The following BRD4 variants were observed in gnomAD, a reference collection of about 807,000 sequenced individuals.
The protein encoded by BRD4 is bromodomain containing 4.
In BRD4, 16 loss-of-function variants were observed where a neutral mutation model predicts 142.1. The observed-to-expected ratio is 0.11, with a 90% CI of 0.08 to 0.17. The LOEUF (loss-of-function observed/expected upper bound fraction) is 0.17, where lower values mean the gene tolerates loss of function less well. BRD4 is among the 10% of genes least tolerant of loss of function. BRD4 has a pLI of 1.00. For synonymous variants in BRD4, 833 were observed against 707.5 expected, an observed-to-expected ratio of 1.18 and a Z score of -2.82; for missense variants, 1,424 against 1,810.9, an observed-to-expected ratio of 0.79 and a Z score of 3.88.
At chr19:15,260,627 GCACTAGGC>G in intron 7 of BRD4, among the ~76,000 whole-genome samples, 1 of 152,084 alleles carries the variant, frequency 6.6e-6, no homozygotes, top group East Asian at 1.9e-4. Context: ...CCCCTTGCCT[GCACTAGGC>G]CCCCTTGAGA....
In BRD4 at chr19:15,244,515, G is replaced by C; in HGVS notation, c.2297C>G (p.Pro766Arg). ...CTGTTGCTGCTGCGGAGGTGGAGGC[G>C]GTGGGGGCTGCTGGGGAGGCGGGGG... ...QPPPPPQQPP[P>R]PPPPQQQQQP... Residue 766 changes from proline to arginine, a missense_variant, in exon 13 of 20, where the codon CCG becomes CGG. This residue lies in a region of BRD4 where 598 missense variants were observed against 647.8 expected (regional missense o/e 0.92). Transcript: ENST00000679869. 1 of 1,549,660 alleles carries C rather than the reference G, an allele frequency of 6.5e-7. No individual in the cohort carries two copies. The highest frequency in any genetic ancestry group is 8.7e-7 in the Non-Finnish European group (1 of 1,155,538).
intron 12 of BRD4, 46 bp downstream of exon 12, chr19:15,244,664 A>T (rs2047269806): frequency 1.2e-6 from 2 of 1,613,998 alleles, no homozygotes; most frequent in African/African-American, 2.7e-5. Context: ...GGCCCGGGCC[A>T]GACCCAACGT....
chr19:15,246,030 G>A (rs2047282730), intron 11 of BRD4, among the ~76,000 whole-genome samples: 1 of 152,168 alleles, frequency 6.6e-6, no homozygotes, highest in Non-Finnish European at 1.5e-5. Flanking sequence ...ACCACTCCAC[G>A]CCAGACAAGA....
At chr19:15,329,223 A>T (rs2048136016) in intron 1 of BRD4, among the ~76,000 whole-genome samples, 1 of 152,160 alleles carries the variant, frequency 6.6e-6, no homozygotes, top group South Asian at 2.1e-4. Context: ...AATCACAAAG[A>T]TTTATGAAAC....
intron 1 of BRD4, among the ~76,000 whole-genome samples, chr19:15,313,372 T>C (rs1368315755): frequency 3.4e-5 from 3 of 87,770 alleles, no homozygotes; most frequent in Non-Finnish European, 2.2e-5. Flanking sequence ...GACTCCATCT[T>C]TAAAAAAAAA....
intron 1 of BRD4, among the ~76,000 whole-genome samples, chr19:15,291,166 C>T (rs1175175596): frequency 4.6e-5 from 7 of 152,054 alleles, no homozygotes; most frequent in Admixed American, 4.6e-4. Flanking sequence ...TGGAGTAGGC[C>T]TATAAGGAGA....
At chr19:15,292,484 G>A (rs914736220) in intron 1 of BRD4, among the ~76,000 whole-genome samples, 3 of 152,190 alleles carry the variant, frequency 2.0e-5, no homozygotes, top group African/African-American at 7.2e-5. Flanking sequence ...TAGATGTTTC[G>A]TTGAAAAGCC....
chr19:15,283,776 T>A (rs965868894), intron 1 of BRD4, among the ~76,000 whole-genome samples: 1 of 152,164 alleles, frequency 6.6e-6, no homozygotes, highest in African/African-American at 2.4e-5. Flanking sequence ...AAGTTTCTTC[T>A]CAAAGCAGCA....
intron 13 of BRD4, 26 bp downstream of exon 13, chr19:15,244,205 C>A: frequency 6.5e-7 from 1 of 1,542,860 alleles, no homozygotes; most frequent in Non-Finnish European, 8.7e-7. Context: ...GGGTCTCAAC[C>A]CACACTGGGG....
intron 6 of BRD4, 48 bp downstream of exon 6, chr19:15,264,356 G>A (rs1467134344): frequency 2.6e-6 from 4 of 1,550,874 alleles, no homozygotes; most frequent in Non-Finnish European, 3.5e-6. Context: ...CTGATGTGGA[G>A]GGACAGCCTG....
At chr19:15,299,818 A>G (rs895681634) in intron 1 of BRD4, among the ~76,000 whole-genome samples, 8 of 152,098 alleles carry the variant, frequency 5.3e-5, no homozygotes, top group African/African-American at 1.9e-4. Context: ...GTGGCCACCC[A>G]CTTCTGCACT....
rs1197390019 is a variant in BRD4 at position 15,251,438 on chromosome 19, C to CGGGGGG, written c.2158+2708_2158+2713dup. ...TCCAATCCAAATGGAAACACAAGAA[C>CGGGGGG]GGGGGGGGGGGGGGGGGCGGGGGCG... On this transcript the variant is annotated intron_variant, in intron 11 of 19. Transcript: ENST00000679869. Among the ~76,000 whole-genome samples the CGGGGGG allele has an allele frequency of 3.1e-3, 22 of 7,086 alleles. 1 individual carries two copies. The highest frequency in any genetic ancestry group is 3.5e-3 in the Non-Finnish European group (14 of 3,960). 4.6% of individuals were successfully genotyped at this position (7,086 alleles called of 152,430 possible). A position where few individuals can be genotyped will look rare whatever the true frequency, so the allele number is the denominator to read the frequency against.
At chr19:15,301,795 A>G (rs994190459) in intron 1 of BRD4, among the ~76,000 whole-genome samples, 2 of 140,338 alleles carry the variant, frequency 1.4e-5, no homozygotes, top group Admixed American at 7.5e-5. Flanking sequence ...TGGGAGGCAG[A>G]GGTTGCAGTA....
chr19:15,253,906 C>T, intron 11 of BRD4: 1 of 868,684 alleles, frequency 1.2e-6, no homozygotes, highest in East Asian at 2.7e-5. Flanking sequence ...GCCATTCATC[C>T]TCCATGACCA....
intron 1 of BRD4, among the ~76,000 whole-genome samples, chr19:15,311,006 G>T (rs143664356): frequency 1.1e-3 from 171 of 152,088 alleles, no homozygotes; most frequent in African/African-American, 3.9e-3. Flanking sequence ...AAGTAAGCAA[G>T]ATGGCCAGGA....
At chr19:15,246,799 G>C (rs747201404) in intron 11 of BRD4, among the ~76,000 whole-genome samples, 5 of 152,140 alleles carry the variant, frequency 3.3e-5, no homozygotes, top group African/African-American at 1.2e-4. Context: ...AGGGCCCCTT[G>C]CAAGTGCTGG....
At chr19:15,291,578 AAC>A (rs1287468966) in intron 1 of BRD4, among the ~76,000 whole-genome samples, 1 of 152,146 alleles carries the variant, frequency 6.6e-6, no homozygotes, top group Non-Finnish European at 1.5e-5. Flanking sequence ...TGAACAGGAT[AAC>A]AGTCCACCCA....
At chr19:15,325,271 G>C (rs920392356) in intron 1 of BRD4, among the ~76,000 whole-genome samples, 5 of 152,166 alleles carry the variant, frequency 3.3e-5, no homozygotes, top group Non-Finnish European at 7.3e-5. Flanking sequence ...GATTCTAACC[G>C]AGGCCTGAAT....
At chr19:15,286,727 T>C (rs1428432553) in intron 1 of BRD4, among the ~76,000 whole-genome samples, 1 of 152,240 alleles carries the variant, frequency 6.6e-6, no homozygotes, top group African/African-American at 2.4e-5. Context: ...TAGATTCACA[T>C]ACCCGAGGTG....
Sources: gnomAD v4.1 joint callset for allele counts (sites outside exome capture counted in the v4.1 genomes callset) on GRCh38, gnomAD v4.1.1 for gene constraint, gnomAD v4.1.1 regional missense constraint, MANE v1.5 for transcripts, NCBI Gene and HGNC (gene_info 2026-07-23, HGNC 2026-07-21) for gene names.